The following ABCD4 variants were observed in gnomAD, a reference collection of about 807,000 sequenced individuals.
ABCD4 encodes the protein ATP binding cassette subfamily D member 4, also known as lysosomal cobalamin transporter ABCD4.
In ABCD4, 53 loss-of-function variants were observed where a neutral mutation model predicts 86.3. The ratio of observed to expected loss-of-function variants is 0.61; its 90% CI spans 0.49 to 0.77. ABCD4 has a LOEUF of 0.77. ABCD4 is among the 30% of genes least tolerant of loss of function. The probability of loss-of-function intolerance (pLI) is 0.00; values close to 1 mark genes in which losing one functional copy is unlikely to be tolerated. For missense variants in ABCD4, 757 were observed against 764.5 expected, an observed-to-expected ratio of 0.99 and a Z score of 0.12; for synonymous variants, 328 against 313.6, an observed-to-expected ratio of 1.05 and a Z score of -0.49.
At chr14:74,288,131 A>C in intron 16 of ABCD4, 76 bp downstream of exon 16, 2 of 1,521,974 alleles carry the variant, frequency 1.3e-6, no homozygotes, top group Non-Finnish European at 1.8e-6. Context: ...GAGCCGTTCC[A>C]TTCCTTGACA....
At chr14:74,294,799 A>G in intron 7 of ABCD4, 1 of 278,552 alleles carries the variant, frequency 3.6e-6, no homozygotes, top group Non-Finnish European at 6.8e-6. Context: ...CTTGAACCTC[A>G]GGCACTGGCA....
Position 74,290,169 on chromosome 14 carries a change from T to C in ABCD4, c.1328-51A>G, listed in dbSNP as rs756742956. The C allele has an allele frequency of 1.9e-6, 3 of 1,611,118 alleles. No individual in the cohort carries two copies. In the Admixed American group the frequency reaches 5.0e-5, roughly 27 times the overall value. ...TGTGAGATCTCCCAGAAGAGGCAAC[T>C]GCCTGTCTCCTCTCTTCCTTGTTCC... On this transcript the variant is annotated intron_variant, in intron 12 of 18. Coordinates refer to ENST00000356924, the MANE Select transcript of ABCD4 (RefSeq NM_005050.4).
intron 7 of ABCD4, 134 bp downstream of exon 7, chr14:74,295,014 G>T: frequency 9.3e-7 from 1 of 1,078,424 alleles, no homozygotes; most frequent in Non-Finnish European, 1.4e-6. Context: ...GGGAGGTAGA[G>T]GGAGAGGGTC....
Position 74,288,696 on chromosome 14 carries a change from G to A in ABCD4, c.1506+20C>T. ...GCTCCCAGGTGGGCTCGGGTCCTGA[G>A]GGTCCCTCTCCCCACTTACCAGGCC... On this transcript the variant is annotated intron_variant, in intron 15 of 18. Coordinates refer to ENST00000356924, the MANE Select transcript of ABCD4 (RefSeq NM_005050.4). 6.2e-7 allele frequency: 1 copy of A among 1,612,552 alleles called. No individual in the cohort carries two copies.
At chr14:74,291,654 C>T (rs1238313674) in intron 11 of ABCD4, among the ~76,000 whole-genome samples, 1 of 152,154 alleles carries the variant, frequency 6.6e-6, no homozygotes, top group Non-Finnish European at 1.5e-5. Flanking sequence ...ACAGAAGCAA[C>T]AGTTAAGGTA....
chr14:74,302,219 T>C (rs1038079155), intron 1 of ABCD4, among the ~76,000 whole-genome samples: 5 of 152,020 alleles, frequency 3.3e-5, no homozygotes, highest in Non-Finnish European at 7.4e-5. Flanking sequence ...AAAAAATCTA[T>C]CCACCACTAG....
chr14:74,297,907 A>C, intron 4 of ABCD4, 23 bp downstream of exon 4: 1 of 1,606,178 alleles, frequency 6.2e-7, no homozygotes. Flanking sequence ...AGAGTGTAGA[A>C]AGGACTGAGT....
In ABCD4 at chr14:74,296,067, A is replaced by G. The variant is rs74063830; in HGVS notation, c.543-88T>C. The G allele has an allele frequency of 0.012, 18,456 of 1,504,342 alleles. 1,903 individuals carry two copies. The African/African-American group carries it at 0.23, about 19-fold the overall frequency. The allele number at this position is 1,504,342 out of a possible 1,614,324, so 93.2% of individuals were successfully genotyped here. On this transcript the variant is annotated intron_variant, in intron 5 of 18. Transcript: ENST00000356924. ...TCAGCCCTGACTCCTGTTCCCTCTC[A>G]GGTAGCCCCTGTCCAATCTGAGTGG...
rs370799934 is a variant in ABCD4 at position 74,290,165 on chromosome 14, C to G, written c.1328-47G>C. ...CCATTGTGAGATCTCCCAGAAGAGG[C>G]AACTGCCTGTCTCCTCTCTTCCTTG... is the stretch of plus-strand genomic sequence containing the variant. On this transcript the variant is annotated intron_variant, in intron 12 of 18. Transcript: ENST00000356924. The G allele has an allele frequency of 4.3e-6, 7 of 1,611,806 alleles. No homozygotes were observed. In the South Asian group the frequency reaches 7.7e-5, roughly 18 times the overall value.
intron 11 of ABCD4, among the ~76,000 whole-genome samples, chr14:74,290,877 T>C (rs2081322780): frequency 6.6e-6 from 1 of 151,956 alleles, no homozygotes; most frequent in African/African-American, 2.4e-5. Context: ...TTCACTATGT[T>C]GGCCAGTCTG....
At chr14:74,289,730 C>T in intron 13 of ABCD4, 3 of 1,435,510 alleles carry the variant, frequency 2.1e-6, no homozygotes, top group Non-Finnish European at 2.7e-6. Flanking sequence ...AACAGTCTGA[C>T]AGCCTCCTGA....
Position 74,287,861 on chromosome 14 carries a change from T to A in ABCD4, c.1585A>T (p.Met529Leu). Residue 529 changes from methionine to leucine, a missense_variant, in exon 17 of 19, where the codon ATG (methionine) becomes TTG (leucine). Physicochemically the swap from Met to Leu is conservative, Grantham distance 15 (BLOSUM62 2). Coordinates refer to ENST00000356924, the MANE Select transcript of ABCD4 (RefSeq NM_005050.4). ...NWYDVLSPGE[M>L]QRLSFARLFY... is the part of the protein sequence containing the mutation. ...AGTCGGGCAAAGGAGAGCCGTTGCA[T>A]CTCCCCCGGGGACAGAACATCATAC... 1 of 1,613,088 alleles carries A rather than the reference T, an allele frequency of 6.2e-7. No homozygotes were observed. The highest frequency in any genetic ancestry group is 8.5e-7 in the Non-Finnish European group (1 of 1,179,592).
At chr14:74,293,277 G>C (rs751199923) in intron 7 of ABCD4, 29 bp from the exon 8 acceptor site, 13 of 1,609,468 alleles carry the variant, frequency 8.1e-6, no homozygotes, top group South Asian at 1.1e-5. Context: ...GATGTCCACA[G>C]GGCTGGAGAG....
At chr14:74,296,765 G>A (rs1045677111) in intron 4 of ABCD4, 3 of 278,708 alleles carry the variant, frequency 1.1e-5, no homozygotes, top group African/African-American at 4.4e-5. Context: ...AGGTAGATGA[G>A]CTGTTTTGGA....
At chr14:74,288,470 T>C (rs2080448442) in intron 15 of ABCD4, 1 of 650,602 alleles carries the variant, frequency 1.5e-6, no homozygotes. Flanking sequence ...TGCTGGAGCA[T>C]GATGACAGTA....
At chr14:74,286,852 C>T in intron 17 of ABCD4, 36 bp from the exon 18 acceptor site, 1 of 1,588,370 alleles carries the variant, frequency 6.3e-7, no homozygotes. Flanking sequence ...AGATCAAAGC[C>T]CTGCCCTCTG....
chr14:74,290,893 G>A (rs1011424381), intron 11 of ABCD4, among the ~76,000 whole-genome samples: 1 of 151,802 alleles, frequency 6.6e-6, no homozygotes, highest in African/African-American at 2.4e-5. Context: ...GTCTGGTCTC[G>A]AACTTGTGAC....
chr14:74,292,228 AAGCC>A (rs2081697715), intron 11 of ABCD4, 55 bp downstream of exon 11: 1 of 1,562,744 alleles, frequency 6.4e-7, no homozygotes, highest in East Asian at 2.2e-5. Context: ...AGGGTAACCC[AAGCC>A]AGGTGATGCC....
intron 4 of ABCD4, 137 bp from the exon 5 acceptor site, chr14:74,296,586 C>G: frequency 1.4e-6 from 1 of 735,546 alleles, no homozygotes; most frequent in Non-Finnish European, 2.2e-6. Context: ...GAAGAGGGAA[C>G]CAGACAAGGC....
Sources: allele counts gnomAD v4.1 joint callset (sites outside exome capture counted in the v4.1 genomes callset), GRCh38; gene constraint gnomAD v4.1.1; transcripts MANE v1.5; gene names NCBI Gene and HGNC (gene_info 2026-07-23, HGNC 2026-07-21).